The following ST7 variants were observed in gnomAD, a reference collection of about 807,000 sequenced individuals.
The protein encoded by ST7 is suppressor of tumorigenicity 7 protein.
In ST7, 28 loss-of-function variants were observed where a neutral mutation model predicts 78.7. The observed-to-expected ratio is 0.36, with a 90% CI of 0.26 to 0.49. The LOEUF (loss-of-function observed/expected upper bound fraction) is 0.49, where lower values mean the gene tolerates loss of function less well. Among genes scored for constraint, ST7 ranks in the 20% least tolerant of loss-of-function variants. The pLI, the probability that ST7 is intolerant of heterozygous loss-of-function variation, is 0.99. For missense variants in ST7, 418 were observed against 696.0 expected (o/e 0.60, Z 4.49); for synonymous variants, 247 against 249.6 (o/e 0.99, Z 0.10).
chr7:117,114,265 G>A (rs533231403), intron 2 of ST7, among the ~76,000 whole-genome samples: 2 of 152,058 alleles, frequency 1.3e-5, no homozygotes, highest in African/African-American at 4.8e-5. Context: ...TGAGGAATTA[G>A]GAAGGACTTT....
intron 1 of ST7, among the ~76,000 whole-genome samples, chr7:116,975,152 C>A (rs113422949): frequency 2.0e-5 from 3 of 152,044 alleles, no homozygotes; most frequent in Admixed American, 6.5e-5. Context: ...TGGCAGAAGG[C>A]GAAGGAGGAG....
intron 1 of ST7, chr7:116,972,781 T>C: frequency 1.1e-6 from 1 of 948,058 alleles, no homozygotes; most frequent in Non-Finnish European, 1.7e-6. Flanking sequence ...AGCCTCAGCC[T>C]GTTCCTGGGA....
intron 15 of ST7, chr7:117,223,077 G>A: frequency 1.2e-6 from 1 of 835,838 alleles, no homozygotes; most frequent in Non-Finnish European, 2.0e-6. Flanking sequence ...AAACTCGGCA[G>A]CCCTTCCAAA....
At chr7:117,170,588 G>A (rs1807913871) in intron 9 of ST7, among the ~76,000 whole-genome samples, 1 of 152,086 alleles carries the variant, frequency 6.6e-6, no homozygotes, top group Non-Finnish European at 1.5e-5. Flanking sequence ...GGCTGAGGCA[G>A]GAGAATTGCT....
At chr7:117,014,583 A>C (rs1412117881) in intron 1 of ST7, among the ~76,000 whole-genome samples, 3 of 152,214 alleles carry the variant, frequency 2.0e-5, no homozygotes, top group Admixed American at 6.5e-5. Flanking sequence ...AAAAATTTGG[A>C]CGCTGATTCC....
intron 10 of ST7, among the ~76,000 whole-genome samples, chr7:117,171,867 G>A (rs1808015714): frequency 6.6e-6 from 1 of 151,342 alleles, no homozygotes; most frequent in South Asian, 2.1e-4. Flanking sequence ...TCTTTAGTAA[G>A]CATCTTCAGT....
chr7:117,103,307 C>T (rs752343068), intron 2 of ST7, among the ~76,000 whole-genome samples: 11 of 152,050 alleles, frequency 7.2e-5, no homozygotes, highest in Non-Finnish European at 1.5e-4. Flanking sequence ...CAATCCTGAG[C>T]AAAAAGAACA....
chr7:117,179,529 G>C (rs1015590931), intron 10 of ST7, among the ~76,000 whole-genome samples: 5 of 152,358 alleles, frequency 3.3e-5, no homozygotes, highest in Non-Finnish European at 5.9e-5. Context: ...TCCCCTTGGA[G>C]GTGGTGTCTG....
intron 1 of ST7, among the ~76,000 whole-genome samples, chr7:117,041,947 G>A (rs900271388): frequency 2.6e-5 from 4 of 152,250 alleles, no homozygotes; most frequent in African/African-American, 9.6e-5. Flanking sequence ...GAGGAAGGCA[G>A]AAGAGGTCAG....
intron 1 of ST7, among the ~76,000 whole-genome samples, chr7:117,061,434 G>A (rs1798347623): frequency 6.6e-6 from 1 of 151,990 alleles, no homozygotes; most frequent in African/African-American, 2.4e-5. Flanking sequence ...GTAGGGGAGG[G>A]GTAGTAGGAA....
chr7:117,062,660 T>C (rs1305220052), intron 1 of ST7, among the ~76,000 whole-genome samples: 2 of 152,172 alleles, frequency 1.3e-5, no homozygotes, highest in Admixed American at 1.3e-4. Context: ...ATTTATGAGG[T>C]CTCCTTAAAA....
chr7:117,196,391 A>T (rs199896749), intron 12 of ST7, among the ~76,000 whole-genome samples: 4 of 30,900 alleles, frequency 1.3e-4, no homozygotes, highest in Non-Finnish European at 4.7e-4. Flanking sequence ...TCCCACCAAC[A>T]GTGCACAAGG....
At chr7:117,137,475 A>G (rs1804889074) in intron 8 of ST7, 1 of 152,150 alleles carries the variant, frequency 6.6e-6, no homozygotes, top group South Asian at 2.1e-4. Flanking sequence ...ATACAACATT[A>G]ATTTTCTTTC....
At chr7:117,041,873 A>C (rs930597246) in intron 1 of ST7, among the ~76,000 whole-genome samples, 1 of 152,176 alleles carries the variant, frequency 6.6e-6, no homozygotes, top group Non-Finnish European at 1.5e-5. Flanking sequence ...ATTTTAAAAT[A>C]TGGACATTAT....
At chr7:116,999,658 C>G (rs1794830051) in intron 1 of ST7, among the ~76,000 whole-genome samples, 2 of 152,142 alleles carry the variant, frequency 1.3e-5, no homozygotes, top group South Asian at 4.1e-4. Context: ...AGTCATGTTC[C>G]TAGTATCATT....
At chr7:117,008,530 G>A (rs570035174) in intron 1 of ST7, among the ~76,000 whole-genome samples, 24 of 152,252 alleles carry the variant, frequency 1.6e-4, no homozygotes, top group Non-Finnish European at 3.5e-4. Flanking sequence ...AGATGTATGT[G>A]GATTGGAGGT....
At chr7:116,997,984 G>T (rs542178827) in intron 1 of ST7, among the ~76,000 whole-genome samples, 73 of 152,362 alleles carry the variant, frequency 4.8e-4, no homozygotes, top group Middle Eastern at 3.4e-3. Flanking sequence ...CTAGTCCCAT[G>T]CCGTGTGCCC....
chr7:117,051,185 A>C (rs993568353), intron 1 of ST7, among the ~76,000 whole-genome samples: 1 of 152,240 alleles, frequency 6.6e-6, no homozygotes, highest in Non-Finnish European at 1.5e-5. Flanking sequence ...AACAGTGAAC[A>C]AGATGGAAAT....
chr7:117,179,360 G>C (rs989952467), intron 10 of ST7, among the ~76,000 whole-genome samples: 1 of 152,216 alleles, frequency 6.6e-6, no homozygotes, highest in African/African-American at 2.4e-5. Context: ...GTGGGTGCAA[G>C]GTGATGAAGA....
Sources: gnomAD v4.1 joint callset for allele counts (sites outside exome capture counted in the v4.1 genomes callset) on GRCh38, gnomAD v4.1.1 for gene constraint, MANE v1.5 for transcripts, NCBI Gene and HGNC (gene_info 2026-07-23, HGNC 2026-07-21) for gene names.